The following TCF7 variants were observed in gnomAD, a reference collection of about 807,000 sequenced individuals.
The protein encoded by TCF7 is T-cell-factor-7.
In TCF7, 19 loss-of-function variants were observed where a neutral mutation model predicts 46.8. The observed-to-expected ratio is 0.41, with a 90% confidence interval of 0.28 to 0.60. The LOEUF (loss-of-function observed/expected upper bound fraction) is 0.60, where lower values mean the gene tolerates loss of function less well. Ranked by LOEUF, TCF7 falls within the 20% of genes least tolerant of loss-of-function variation. The pLI is 0.35. For synonymous variants in TCF7, 245 were observed against 213.4 expected (o/e 1.15, Z -1.29); for missense variants, 547 against 504.6 (o/e 1.08, Z -0.81).
chr5:134,143,472 C>T (rs947651015), intron 8 of TCF7, 120 bp from the exon 9 acceptor site: 1 of 1,213,836 alleles, frequency 8.2e-7, no homozygotes, highest in East Asian at 2.3e-5. Context: ...ACACCAGCAC[C>T]CCAAGGTAGG....
At chr5:134,132,605 C>CA (rs1758293005) in intron 3 of TCF7, among the ~76,000 whole-genome samples, 1 of 152,234 alleles carries the variant, frequency 6.6e-6, no homozygotes, top group Non-Finnish European at 1.5e-5. Context: ...AGTCAACCGT[C>CA]AGAGGCGAGG....
intron 3 of TCF7, 60 bp from the exon 4 acceptor site, chr5:134,137,999 C>G (rs1759149752): frequency 7.2e-7 from 1 of 1,387,142 alleles, no homozygotes. Context: ...ATACCCTCAT[C>G]CCAGTGTCTT....
intron 6 of TCF7, 127 bp from the exon 7 acceptor site, chr5:134,142,594 A>G (rs1391171972): frequency 3.9e-6 from 5 of 1,291,488 alleles, no homozygotes; most frequent in Non-Finnish European, 4.2e-6. Context: ...GGCAGCTAGG[A>G]AAGATTCCAC....
chr5:134,128,688 C>T lies in TCF7; in HGVS notation c.442-9371C>T, dbSNP rs138986315. ...TGATCTCCAAGGCTCTCTCCCTCTGCCCTTGAGCCCCTGCCTTTCTGGGCC... is the reference window on the plus strand; with the variant it reads ...TGATCTCCAAGGCTCTCTCCCTCTGTCCTTGAGCCCCTGCCTTTCTGGGCC... On this transcript the variant is annotated intron_variant, in intron 3 of 9. Coordinates refer to ENST00000342854, the MANE Select transcript of TCF7 (RefSeq NM_003202.5). 8.6e-3 allele frequency among the ~76,000 whole-genome samples: 1,300 copies of T among 151,744 alleles called. 15 individuals are homozygous for T. The highest frequency in any genetic ancestry group is 0.016 in the Admixed American group (248 of 15,194).
At chr5:134,129,973 C>A (rs563876870) in intron 3 of TCF7, among the ~76,000 whole-genome samples, 2 of 152,346 alleles carry the variant, frequency 1.3e-5, no homozygotes, top group South Asian at 4.1e-4. Flanking sequence ...CAGGTGGCCA[C>A]GCATCCACAC....
rs1209896420 is a variant in TCF7, at chr5:134,143,054, A to G, written c.980A>G (p.Gln327Arg). ...TATGAGCTGGCCCGCAAGGAGAGGC[A>G]GCTGCACATGCAGCTATACCCAGGC... is the stretch of plus-strand genomic sequence containing the variant. Reference protein sequence around the residue: ...KYYELARKERQLHMQLYPGWS... With the variant: ...KYYELARKERRLHMQLYPGWS... Residue 327 changes from glutamine to arginine, a missense_variant, in exon 8 of 10, where the codon CAG becomes CGG. Transcript: ENST00000342854. The G allele has an allele frequency of 6.2e-7, 1 of 1,611,618 alleles. No homozygotes were observed. The highest frequency in any genetic ancestry group is 1.1e-5 in the South Asian group (1 of 90,684).
rs1346030569 is a variant in TCF7, at chr5:134,143,117, A to G, written c.1026+17A>G. 1 of 1,590,786 alleles carries G rather than the reference A, an allele frequency of 6.3e-7. No individual in the cohort carries two copies. Among genetic ancestry groups the G allele is most frequent in the Admixed American group, 1.8e-5 (1 of 55,952 alleles). ...GACAACTACGTGAGTGCCTAGTGACACACAGCAGGGGTGGGCAGGGGACCC... is the reference window on the plus strand; with the variant it reads ...GACAACTACGTGAGTGCCTAGTGACGCACAGCAGGGGTGGGCAGGGGACCC... On this transcript the variant is annotated intron_variant, in intron 8 of 9. Coordinates refer to ENST00000342854, the MANE Select transcript of TCF7 (RefSeq NM_003202.5).
At chr5:134,110,520 G>A (rs1755314893), upstream of TCF7, among the ~76,000 whole-genome samples, 1 of 152,226 alleles carries the variant, frequency 6.6e-6, no homozygotes, top group Non-Finnish European at 1.5e-5. Context: ...AAACTACACA[G>A]AGTTTCCAGA....
Position 134,141,066 on chromosome 5 carries a change from A to G in TCF7, c.636-1119A>G, listed in dbSNP as rs17167291. On this transcript the variant is annotated intron_variant, in intron 5 of 9. Transcript: ENST00000342854. The stretch of plus-strand genomic sequence containing the variant: ...GAGAATGAAGCTAGTGCAAGTGCCA[A>G]GAGGCCTCAGCCTGGGCCACACCGT... 3.7e-3 allele frequency: 1,149 copies of G among 312,478 alleles called. 19 individuals are homozygous for G. The highest frequency in any genetic ancestry group is 0.022 in the African/African-American group (975 of 44,616). 19.4% of individuals were successfully genotyped at this position (312,478 alleles called of 1,614,324 possible). A position where few individuals can be genotyped will look rare whatever the true frequency, so the allele number is the denominator to read the frequency against.
At chr5:134,118,300 G>A (rs1325673670) in intron 3 of TCF7, among the ~76,000 whole-genome samples, 3 of 152,172 alleles carry the variant, frequency 2.0e-5, no homozygotes, top group Non-Finnish European at 4.4e-5. Context: ...CATCTTTAAA[G>A]GACAGACAGC....
intron 9 of TCF7, 45 bp from the exon 10 acceptor site, chr5:134,146,179 T>C (rs1251907349): frequency 2.5e-6 from 4 of 1,614,096 alleles, no homozygotes; most frequent in East Asian, 2.2e-5. Context: ...TGTATGACTA[T>C]GAATTCACCC....
chr5:134,129,171 G>T (rs1048763115), intron 3 of TCF7, among the ~76,000 whole-genome samples: 2 of 152,256 alleles, frequency 1.3e-5, no homozygotes, highest in South Asian at 4.1e-4. Context: ...TGTATGCACA[G>T]CACAAAGTGG....
At chr5:134,144,696 C>A in intron 9 of TCF7, 1 of 875,074 alleles carries the variant, frequency 1.1e-6, no homozygotes, top group Non-Finnish European at 1.9e-6. Flanking sequence ...GTGTCTATAA[C>A]TGGCTAACAC....
chr5:134,126,754 G>A (rs959861439), intron 3 of TCF7, among the ~76,000 whole-genome samples: 30 of 152,198 alleles, frequency 2.0e-4, no homozygotes, highest in African/African-American at 6.0e-4. Context: ...AAAATTAGCC[G>A]GGTGCGGTGG....
chr5:134,128,115 C>G (rs987105173), intron 3 of TCF7, among the ~76,000 whole-genome samples: 2 of 152,186 alleles, frequency 1.3e-5, no homozygotes, highest in Admixed American at 1.3e-4. Context: ...CACTCCGTTG[C>G]GTCTTTGGCC....
At chr5:134,111,041 C>T (rs2149256475), upstream of TCF7, among the ~76,000 whole-genome samples, 1 of 152,322 alleles carries the variant, frequency 6.6e-6, no homozygotes, top group South Asian at 2.1e-4. Context: ...CTAAGCTCTT[C>T]ACTAGGGTAC....
chr5:134,120,239 C>T (rs1756381294), intron 3 of TCF7, among the ~76,000 whole-genome samples: 1 of 152,192 alleles, frequency 6.6e-6, no homozygotes, highest in African/African-American at 2.4e-5. Flanking sequence ...CCCCAGTCAT[C>T]GCCATCTCTC....
Position 134,115,170 on chromosome 5 carries a change from G to T in TCF7, c.249+15G>T. On this transcript the variant is annotated intron_variant, in intron 1 of 9. Transcript: ENST00000342854. ...GCGAGGCCGAGGTGAGCCCCCGCCGGCGCCGGCTCCTCCCCCGCGGTCGCC... is the reference window on the plus strand; with the variant it reads ...GCGAGGCCGAGGTGAGCCCCCGCCGTCGCCGGCTCCTCCCCCGCGGTCGCC... 1 of 1,038,368 alleles carries T rather than the reference G, an allele frequency of 9.6e-7. No homozygotes were observed. The highest frequency in any genetic ancestry group is 1.2e-6 in the Non-Finnish European group (1 of 862,946). 64.3% of individuals were successfully genotyped at this position (1,038,368 alleles called of 1,614,324 possible).
chr5:134,113,985 G>A (rs889896256), upstream of TCF7, among the ~76,000 whole-genome samples: 23 of 152,328 alleles, frequency 1.5e-4, no homozygotes, highest in African/African-American at 4.6e-4. Context: ...ATAGGGGCTG[G>A]GACTTGGAGG....
Sources: allele counts gnomAD v4.1 joint callset (sites outside exome capture counted in the v4.1 genomes callset), GRCh38; gene constraint gnomAD v4.1.1; transcripts MANE v1.5; gene names NCBI Gene and HGNC (gene_info 2026-07-23, HGNC 2026-07-21).